The following TAF1A variants were observed in gnomAD, a reference collection of about 807,000 sequenced individuals.
TAF1A encodes the protein TATA box-binding protein-associated factor RNA polymerase I subunit A.
TAF1A carries 42 observed loss-of-function variants against 61.6 expected under a neutral mutation model. That is an observed-to-expected ratio of 0.68 (90% CI 0.53 to 0.88). The LOEUF (loss-of-function observed/expected upper bound fraction) is 0.88, where lower values mean the gene tolerates loss of function less well. Among genes scored for constraint, TAF1A ranks in the 40% least tolerant of loss-of-function variants. The pLI is 0.00. For missense variants in TAF1A, 424 were observed against 518.7 expected (o/e 0.82, Z 1.77); for synonymous variants, 179 against 177.7 (o/e 1.01, Z -0.06).
At chr1:222,565,350 C>G (rs759549157) in intron 7 of TAF1A, among the ~76,000 whole-genome samples, 5 of 152,180 alleles carry the variant, frequency 3.3e-5, no homozygotes, top group Non-Finnish European at 5.9e-5. Flanking sequence ...TTAATCCTCT[C>G]TTTTGCTATG....
At chr1:222,571,203 C>G (rs1316667928) in intron 5 of TAF1A, among the ~76,000 whole-genome samples, 1 of 152,106 alleles carries the variant, frequency 6.6e-6, no homozygotes, top group Non-Finnish European at 1.5e-5. Context: ...GATAAAAAGA[C>G]TCAACAATGT....
At position 222,584,469 on chromosome 1, in the gene TAF1A, TA is replaced by T. The variant is rs576850767; in HGVS notation, c.122-173del. Reference sequence around the variant, plus strand: ...TGAAACAAACCCTTCTACATTATATTAATTATTTTTAGCAGATAAAAACATT... The same window carrying T: ...TGAAACAAACCCTTCTACATTATATTATTATTTTTAGCAGATAAAAACATT... On this transcript the variant is annotated intron_variant, in intron 2 of 10. Coordinates refer to ENST00000352967, the MANE Select transcript of TAF1A (RefSeq NM_005681.4). Among the ~76,000 whole-genome samples the T allele has an allele frequency of 1.9e-4, 29 of 152,314 alleles. No individual in the cohort carries two copies. In the East Asian group the frequency reaches 5.6e-3, roughly 29 times the overall value.
rs534953318 is a variant in TAF1A at position 222,574,369 on chromosome 1, C to A, written c.604+3076G>T. 1.1e-3 allele frequency among the ~76,000 whole-genome samples: 166 copies of A among 152,176 alleles called. 1 individual carries two copies. Among genetic ancestry groups the A allele is most frequent in the African/African-American group, 3.8e-3 (158 of 41,532 alleles). ...ACAATAACAAATGTTGAGGAGAATA[C>A]AAACAAAAGAAAACTCTAATCAGAT... On this transcript the variant is annotated intron_variant, in intron 5 of 10. Coordinates refer to ENST00000352967, the MANE Select transcript of TAF1A (RefSeq NM_005681.4).
At chr1:222,589,494 C>T (rs1251745808) in intron 1 of TAF1A, among the ~76,000 whole-genome samples, 2 of 152,168 alleles carry the variant, frequency 1.3e-5, no homozygotes, top group African/African-American at 2.4e-5. Flanking sequence ...CGACCCATCA[C>T]GTGTTTTCAG....
At chr1:222,554,359 C>T (rs1322056794), downstream of TAF1A, among the ~76,000 whole-genome samples, 1 of 152,142 alleles carries the variant, frequency 6.6e-6, no homozygotes, top group Non-Finnish European at 1.5e-5. Flanking sequence ...AAGTCAGCTT[C>T]GTATTTTTTA....
chr1:222,585,623 T>A (rs1037265094), intron 2 of TAF1A, among the ~76,000 whole-genome samples: 3 of 152,182 alleles, frequency 2.0e-5, no homozygotes, highest in African/African-American at 7.2e-5. Flanking sequence ...ACAACACGTT[T>A]AATACACGTT....
intron 5 of TAF1A, among the ~76,000 whole-genome samples, chr1:222,571,687 C>G (rs1660357964): frequency 6.6e-6 from 1 of 151,856 alleles, no homozygotes; most frequent in Non-Finnish European, 1.5e-5. Flanking sequence ...CAAAATTTTA[C>G]TCTGAAAAGT....
chr1:222,561,879 T>C (rs1302041450), intron 9 of TAF1A, among the ~76,000 whole-genome samples: 1 of 152,174 alleles, frequency 6.6e-6, no homozygotes, highest in African/African-American at 2.4e-5. Context: ...AGGACATTAG[T>C]GGTACTGATC....
chr1:222,569,409 A>C, intron 7 of TAF1A, 101 bp downstream of exon 7: 1 of 1,604,656 alleles, frequency 6.2e-7, no homozygotes, highest in South Asian at 1.1e-5. Context: ...TACATTATTG[A>C]AATTTTCTGT....
intron 3 of TAF1A, among the ~76,000 whole-genome samples, chr1:222,583,111 G>A (rs1660857099): frequency 6.6e-6 from 1 of 152,194 alleles, no homozygotes; most frequent in South Asian, 2.1e-4. Flanking sequence ...CTTGAACACA[G>A]GAGCTGGAGG....
In TAF1A at chr1:222,558,624, G is replaced by T; in HGVS notation, c.*36C>A. The T allele has an allele frequency of 9.0e-7, 1 of 1,110,964 alleles. No individual in the cohort carries two copies. Among genetic ancestry groups the T allele is most frequent in the Non-Finnish European group, 1.3e-6 (1 of 785,158 alleles). 68.8% of individuals were successfully genotyped at this position (1,110,964 alleles called of 1,614,324 possible). On this transcript the variant is annotated 3_prime_UTR_variant, in exon 11 of 11. Transcript: ENST00000352967. ...ATAACTATCTACCAAGCTACTTACT[G>T]TGTAGCTACAACTGTGAAATAACTA... is the stretch of plus-strand genomic sequence containing the variant.
chr1:222,578,179 G>A (rs779146644), intron 4 of TAF1A, among the ~76,000 whole-genome samples: 4 of 152,192 alleles, frequency 2.6e-5, no homozygotes, highest in Non-Finnish European at 5.9e-5. Context: ...AGAGGAAAGT[G>A]TATCCCTGAT....
intron 7 of TAF1A, among the ~76,000 whole-genome samples, chr1:222,567,866 C>A (rs1660177151): frequency 1.3e-5 from 2 of 152,166 alleles, no homozygotes; most frequent in Admixed American, 6.5e-5. Context: ...TGAGATATTA[C>A]TACACACCCA....
At chr1:222,561,655 A>G (rs1659921956) in intron 9 of TAF1A, 137 bp from the exon 10 acceptor site, 1 of 775,088 alleles carries the variant, frequency 1.3e-6, no homozygotes, top group East Asian at 2.9e-5. Context: ...TGGCCAAGGC[A>G]TAACACATGA....
At chr1:222,580,881 G>A (rs374801254) in intron 3 of TAF1A, among the ~76,000 whole-genome samples, 28 of 152,240 alleles carry the variant, frequency 1.8e-4, no homozygotes, top group Middle Eastern at 6.8e-3. Context: ...GGCCAGGCGC[G>A]GTGGCTCACA....
At chr1:222,562,818 C>T (rs1431656236) in intron 9 of TAF1A, among the ~76,000 whole-genome samples, 1 of 152,126 alleles carries the variant, frequency 6.6e-6, no homozygotes, top group Non-Finnish European at 1.5e-5. Context: ...AGGAAAGCTG[C>T]TTCCCATGTG....
chr1:222,564,025 C>A, intron 8 of TAF1A, 34 bp downstream of exon 8: 2 of 1,335,950 alleles, frequency 1.5e-6, no homozygotes, highest in South Asian at 2.4e-5. Flanking sequence ...TATAGCTTGT[C>A]TACACAAGGT....
intron 4 of TAF1A, 55 bp downstream of exon 4, chr1:222,579,704 A>C (rs1442825905): frequency 3.8e-6 from 6 of 1,577,202 alleles, no homozygotes; most frequent in Non-Finnish European, 5.1e-6. Flanking sequence ...GACACAAGCA[A>C]TTAGAAAAAA....
intron 2 of TAF1A, among the ~76,000 whole-genome samples, chr1:222,585,737 T>C (rs943998029): frequency 6.6e-5 from 10 of 152,160 alleles, no homozygotes; most frequent in African/African-American, 2.4e-4. Context: ...AGTATAAATA[T>C]TGATACATAC....
Sources: gnomAD v4.1 joint callset for allele counts (sites outside exome capture counted in the v4.1 genomes callset) on GRCh38, gnomAD v4.1.1 for gene constraint, MANE v1.5 for transcripts, NCBI Gene and HGNC (gene_info 2026-07-23, HGNC 2026-07-21) for gene names.